ZFP69B: variants seen among roughly 807,000 people sequenced by gnomAD.
ZFP69B encodes the protein ZFP69 zinc finger protein B, also known as zinc finger protein 69 homolog B.
Under a neutral mutation model 19.7 loss-of-function variants are expected in ZFP69B, and 20 were observed. The ratio of observed to expected loss-of-function variants is 1.02; its 90% CI spans 0.71 to 1.48. The LOEUF is 1.48. ZFP69B is among the 40% of genes most tolerant of loss of function. The pLI, the probability that ZFP69B is intolerant of heterozygous loss-of-function variation, is 0.00. For synonymous variants in ZFP69B, 220 were observed against 222.7 expected, an observed-to-expected ratio of 0.99 and a Z score of 0.11; for missense variants, 583 against 632.6, an observed-to-expected ratio of 0.92 and a Z score of 0.84.
Position 40,456,971 on chromosome 1 carries a change from T to G in ZFP69B, c.240T>G (p.Ser80=), listed in dbSNP as rs750615096. Residue 80 remains serine (S), a synonymous_variant, in exon 3 of 5, where the codon TCT becomes TCG. Coordinates refer to ENST00000361584, the MANE Select transcript of ZFP69B (RefSeq NM_023070.3). ...AACTGTTAACCTTCAAGGACGTATC[T>G]GTGGACTTCACTCAGGAGGAGTGGG... is the stretch of plus-strand genomic sequence containing the variant. The part of the protein sequence containing the change: ...SQELLTFKDV[S]VDFTQEEWGQ... 1 of 1,614,146 alleles carries G rather than the reference T, an allele frequency of 6.2e-7. No individual in the cohort carries two copies. Among genetic ancestry groups the G allele is most frequent in the Admixed American group, 1.7e-5 (1 of 60,010 alleles).
chr1:40,454,446 T>G (rs1470919828), intron 2 of ZFP69B, among the ~76,000 whole-genome samples, 158 bp downstream of exon 2: 6 of 152,198 alleles, frequency 3.9e-5, no homozygotes, highest in Admixed American at 2.0e-4. Flanking sequence ...TCACCCAGGC[T>G]GGAGTGCAGT....
In ZFP69B at chr1:40,463,518, T is replaced by C. The variant is rs987984361; in HGVS notation, c.1534T>C (p.Phe512Leu). ...PYDCNECGKAFSCSSSLIRHC... is the reference protein window; with the variant it reads ...PYDCNECGKALSCSSSLIRHC... ...TGATTGTAATGAGTGTGGAAAAGCC[T>C]TCAGCTGTAGTTCATCCCTTATTAG... Residue 512 changes from phenylalanine (F) to leucine (L), a missense_variant, in exon 5 of 5, where the codon TTC (phenylalanine) becomes CTC (leucine). By Grantham distance (22) the Phe-to-Leu change is conservative. Coordinates refer to ENST00000361584, the MANE Select transcript of ZFP69B (RefSeq NM_023070.3). 1.2e-6 allele frequency: 2 copies of C among 1,614,148 alleles called. No individual in the cohort carries two copies. Among genetic ancestry groups the C allele is most frequent in the Non-Finnish European group, 1.7e-6 (2 of 1,180,006 alleles).
At chr1:40,460,460 C>T (rs1447619972) in intron 4 of ZFP69B, among the ~76,000 whole-genome samples, 1 of 151,820 alleles carries the variant, frequency 6.6e-6, no homozygotes, top group Non-Finnish European at 1.5e-5. Context: ...TAGCATGATC[C>T]CATCTCTAAA....
Position 40,463,368 on chromosome 1 carries a change from C to A in ZFP69B, c.1384C>A (p.Leu462Ile). Residue 462 changes from leucine to isoleucine, a missense_variant, in exon 5 of 5, where the codon CTT (leucine) becomes ATT (isoleucine). Physicochemically the swap from Leu to Ile is conservative, Grantham distance 5. Coordinates refer to ENST00000361584, the MANE Select transcript of ZFP69B (RefSeq NM_023070.3). ...CGKAFSQRIH[L>I]SIHQRVHTGV... Reference sequence around the variant, plus strand: ...GAAAGCCTTTAGCCAGAGAATACATCTTTCTATCCATCAGAGAGTCCATAC... The same window carrying A: ...GAAAGCCTTTAGCCAGAGAATACATATTTCTATCCATCAGAGAGTCCATAC... 1 of 1,614,092 alleles carries A rather than the reference C, an allele frequency of 6.2e-7. No individual in the cohort carries two copies. The highest frequency in any genetic ancestry group is 8.5e-7 in the Non-Finnish European group (1 of 1,180,006).
At chr1:40,456,291 T>A (rs2124417414) in intron 2 of ZFP69B, among the ~76,000 whole-genome samples, 1 of 152,344 alleles carries the variant, frequency 6.6e-6, no homozygotes, top group South Asian at 2.1e-4. Flanking sequence ...TTTTTAATGA[T>A]CACCATTCTA....
chr1:40,460,979 CAA>C (rs35932276), intron 4 of ZFP69B, among the ~76,000 whole-genome samples: 13,262 of 75,174 alleles, frequency 0.18, 673 homozygotes, highest in East Asian at 0.36. Flanking sequence ...GACTTTGTCT[CAA>C]AAAAAAAAAA....
At position 40,463,448 on chromosome 1, in the gene ZFP69B, A is replaced by G; in HGVS notation, c.1464A>G (p.Ser488=). ...GTGGGAAAGCCTTTAGGCATGATTC[A>G]TCCTTTGCTAAACATCAGAGAATTC... ...SHCGKAFRHD[S]SFAKHQRIHT... is the part of the protein sequence containing the mutation. Residue 488 remains serine (S), a synonymous_variant, in exon 5 of 5, where the codon TCA becomes TCG. Transcript: ENST00000361584. The G allele has an allele frequency of 6.2e-7, 1 of 1,614,146 alleles. No individual in the cohort carries two copies.
intron 1 of ZFP69B, among the ~76,000 whole-genome samples, chr1:40,451,657 G>C (rs1452498808): frequency 2.7e-5 from 4 of 148,660 alleles, no homozygotes; most frequent in Admixed American, 1.3e-4. Flanking sequence ...AAGACGTGGG[G>C]GGGGGGGAAT....
At chr1:40,457,495 G>A (rs1350068429) in intron 4 of ZFP69B, 56 bp downstream of exon 4, 4 of 1,478,722 alleles carry the variant, frequency 2.7e-6, no homozygotes, top group Middle Eastern at 1.7e-4. Context: ...TCCCCTCAAG[G>A]CCTTCTCCAA....
rs774968060 is a variant in ZFP69B, at chr1:40,462,787, A to C, written c.803A>C (p.Asn268Thr). The change falls in exon 5 of 5, where the codon AAT (asparagine) becomes ACT (threonine). Residue 268 changes from asparagine (N) to threonine (T), a missense_variant. Coordinates refer to ENST00000361584, the MANE Select transcript of ZFP69B (RefSeq NM_023070.3). ...KRSRYNIDLV[N>T]HSRSYTKMKT... ...AGCAGATACAACATAGATTTAGTTA[A>C]TCATTCAAGGAGTTATACAAAAATG... The C allele has an allele frequency of 1.4e-5, 22 of 1,613,408 alleles. No individual in the cohort carries two copies. The highest frequency in any genetic ancestry group is 1.8e-5 in the Non-Finnish European group (21 of 1,179,848).
In ZFP69B at chr1:40,462,928, C is replaced by G. The variant is rs1204882940; in HGVS notation, c.944C>G (p.Ala315Gly). Residue 315 changes from alanine to glycine, a missense_variant, in exon 5 of 5, where the codon GCC (alanine) becomes GGC (glycine). Transcript: ENST00000361584. ...TTCAGATGTAAGGAATGTGGAAAAG[C>G]CTTTAGCCAAAGTTCATCTCTTATT... ...KPFRCKECGK[A>G]FSQSSSLIPH... is the part of the protein sequence containing the mutation. The G allele has an allele frequency of 6.2e-7, 1 of 1,613,982 alleles. No homozygotes were observed. Among genetic ancestry groups the G allele is most frequent in the African/African-American group, 1.3e-5 (1 of 74,904 alleles).
chr1:40,451,970 C>CA (rs1311085115), intron 1 of ZFP69B, among the ~76,000 whole-genome samples: 1 of 151,844 alleles, frequency 6.6e-6, no homozygotes, highest in African/African-American at 2.4e-5. Flanking sequence ...GCTAAAAATA[C>CA]AAAAATTAGC....
chr1:40,463,405 C>A lies in ZFP69B; in HGVS notation c.1421C>A (p.Pro474His), dbSNP rs139213019. The A allele has an allele frequency of 6.2e-7, 1 of 1,613,908 alleles. No homozygotes were observed. The highest frequency in any genetic ancestry group is 1.3e-5 in the African/African-American group (1 of 74,912). ...IHQRVHTGVK[P>H]YECSHCGKAF... ...CAGAGAGTCCATACTGGAGTAAAAC[C>A]TTATGAATGCAGTCATTGTGGGAAA... Residue 474 changes from proline (P) to histidine (H), a missense_variant, in exon 5 of 5, where the codon CCT (proline) becomes CAT (histidine). Pro to His is a moderately conservative substitution (Grantham distance 77, BLOSUM62 -2). Coordinates refer to ENST00000361584, the MANE Select transcript of ZFP69B (RefSeq NM_023070.3).
chr1:40,462,223 C>G (rs1177681852), intron 4 of ZFP69B, among the ~76,000 whole-genome samples, 198 bp from the exon 5 acceptor site: 1 of 152,032 alleles, frequency 6.6e-6, no homozygotes, highest in African/African-American at 2.4e-5. Context: ...CCTGGTCCAC[C>G]TTACATACTT....
At chr1:40,457,110 T>C (rs778694905) in intron 3 of ZFP69B, 39 bp downstream of exon 3, 15 of 1,580,620 alleles carry the variant, frequency 9.5e-6, no homozygotes, top group African/African-American at 2.7e-5. Flanking sequence ...ACGTACCTAT[T>C]GGATGAAAAC....
At position 40,458,313 on chromosome 1, in the gene ZFP69B, C is replaced by CT. The variant is rs200015115; in HGVS notation, c.436+874_436+875insT. 9.3e-3 allele frequency among the ~76,000 whole-genome samples: 1,412 copies of CT among 152,192 alleles called. 31 individuals carry two copies. The highest frequency in any genetic ancestry group is 0.033 in the African/African-American group (1,360 of 41,512). On this transcript the variant is annotated intron_variant, in intron 4 of 4. Coordinates refer to ENST00000361584, the MANE Select transcript of ZFP69B (RefSeq NM_023070.3). Reference sequence around the variant, plus strand: ...TCAACTAGTTTAATAATTTTTGTCTCCTCTATTTCTCTCATTGCTTTTTCA... The same window carrying CT: ...TCAACTAGTTTAATAATTTTTGTCTCTCTCTATTTCTCTCATTGCTTTTTCA...
In ZFP69B at chr1:40,463,002, T is replaced by C. The variant is rs769225195; in HGVS notation, c.1018T>C (p.Cys340Arg). The C allele has an allele frequency of 6.2e-7, 1 of 1,613,744 alleles. No homozygotes were observed. Among genetic ancestry groups the C allele is most frequent in the South Asian group, 1.1e-5 (1 of 91,050 alleles). Residue 340 changes from cysteine (C) to arginine (R), a missense_variant, in exon 5 of 5, where the codon TGT becomes CGT. Cys to Arg is a radical substitution (Grantham distance 180, BLOSUM62 -3). Coordinates refer to ENST00000361584, the MANE Select transcript of ZFP69B (RefSeq NM_023070.3). Reference protein sequence around the residue: ...TGEKPYECKECGKTFRHPSSL... With the variant: ...TGEKPYECKERGKTFRHPSSL... ...TGAGAAACCCTATGAATGTAAGGAG[T>C]GTGGGAAAACCTTCAGACATCCTTC...
intron 3 of ZFP69B, 81 bp downstream of exon 3, chr1:40,457,152 CT>C: frequency 6.3e-7 from 1 of 1,575,566 alleles, no homozygotes; most frequent in South Asian, 1.2e-5. Context: ...TTTGTTTGGG[CT>C]TTCGGTTCTG....
In ZFP69B at chr1:40,455,540, T is replaced by C. The variant is rs144932482; in HGVS notation, c.213+1252T>C. On this transcript the variant is annotated intron_variant, in intron 2 of 4. Transcript: ENST00000361584. ...TCTATACTTAGGGGATTTGTTGTTATTTCAGCCTTCCAGCTTCTGAATTCT... is the reference window on the plus strand; with the variant it reads ...TCTATACTTAGGGGATTTGTTGTTACTTCAGCCTTCCAGCTTCTGAATTCT... Among the ~76,000 whole-genome samples the C allele has an allele frequency of 1.6e-3, 250 of 152,362 alleles. 3 individuals are homozygous for C. The highest frequency in any genetic ancestry group is 5.6e-3 in the African/African-American group (235 of 41,596).
Sources: allele counts gnomAD v4.1 joint callset (sites outside exome capture counted in the v4.1 genomes callset), GRCh38; gene constraint gnomAD v4.1.1; transcripts MANE v1.5; gene names NCBI Gene and HGNC (gene_info 2026-07-23, HGNC 2026-07-21).